The following ACVR1 variants were observed in gnomAD, a reference collection of about 807,000 sequenced individuals.
ACVR1 encodes the protein activin receptor type-1.
In ACVR1, 38 loss-of-function variants were observed where a neutral mutation model predicts 57.1. The observed-to-expected ratio is 0.67, with a 90% CI of 0.51 to 0.87. ACVR1 has a LOEUF of 0.87. Among genes scored for constraint, ACVR1 ranks in the 40% least tolerant of loss-of-function variants. The pLI is 0.00. For synonymous variants in ACVR1, 212 were observed against 228.1 expected (o/e 0.93, Z 0.63); for missense variants, 463 against 638.2 (o/e 0.73, Z 2.96).
rs552810969 is a variant in ACVR1, at chr2:157,745,840, T to C, written c.1265-7270A>G. 6.6e-5 allele frequency among the ~76,000 whole-genome samples: 10 copies of C among 152,312 alleles called. No homozygotes were observed. The South Asian group carries it at 1.9e-3, about 28-fold the overall frequency. ...TCATGGTTTCCATACACAAGCCCCA[T>C]TGCACTTAGGAGCAGAAGCACAAGC... On this transcript the variant is annotated intron_variant, in intron 9 of 10. Coordinates refer to ENST00000434821, the MANE Select transcript of ACVR1 (RefSeq NM_001111067.4).
intron 1 of ACVR1, among the ~76,000 whole-genome samples, chr2:157,851,896 CA>C (rs1559094017): frequency 0.38 from 7,823 of 20,334 alleles, 733 homozygotes; most frequent in Non-Finnish European, 0.47. Flanking sequence ...CACACACACA[CA>C]CACACACACA....
intron 2 of ACVR1, among the ~76,000 whole-genome samples, chr2:157,817,214 T>C (rs1235843763): frequency 6.6e-6 from 1 of 152,120 alleles, no homozygotes; most frequent in African/African-American, 2.4e-5. Context: ...CTTCCTACTT[T>C]GGCCTCCCAA....
chr2:157,852,638 T>C (rs1339583009), intron 1 of ACVR1, among the ~76,000 whole-genome samples: 1 of 151,566 alleles, frequency 6.6e-6, no homozygotes, highest in Non-Finnish European at 1.5e-5. Context: ...CTATGAAAAA[T>C]ATTATTTTAA....
chr2:157,756,675 C>T (rs1417718675), intron 9 of ACVR1, among the ~76,000 whole-genome samples: 3 of 151,740 alleles, frequency 2.0e-5, no homozygotes, highest in East Asian at 1.9e-4. Context: ...GGCGTGGATG[C>T]GGCACAAAGG....
intron 3 of ACVR1, among the ~76,000 whole-genome samples, chr2:157,795,388 ACACACAC>A (rs1687070701): frequency 7.9e-6 from 1 of 126,880 alleles, no homozygotes. Flanking sequence ...ACACACACAC[ACACACAC>A]ACACACACAC....
At chr2:157,843,453 T>C (rs1256364805) in intron 1 of ACVR1, among the ~76,000 whole-genome samples, 1 of 151,504 alleles carries the variant, frequency 6.6e-6, no homozygotes, top group East Asian at 1.9e-4. Flanking sequence ...TTACCACACT[T>C]AATCCTCCCA....
chr2:157,875,559 G>GC (rs1407191801), intron 1 of ACVR1: 30 of 121,320 alleles, frequency 2.5e-4, no homozygotes, highest in African/African-American at 6.7e-4. Flanking sequence ...CCACGCCTCT[G>GC]CCCCCCCACC....
intron 9 of ACVR1, among the ~76,000 whole-genome samples, chr2:157,746,954 C>A (rs973579528): frequency 1.3e-5 from 2 of 152,008 alleles, no homozygotes; most frequent in Non-Finnish European, 2.9e-5. Flanking sequence ...TTATTAGTAG[C>A]AAATAAATGT....
intron 2 of ACVR1, among the ~76,000 whole-genome samples, chr2:157,810,885 A>AC (rs1687728677): frequency 3.3e-5 from 5 of 152,028 alleles, no homozygotes; most frequent in Non-Finnish European, 7.4e-5. Context: ...CCAGTGAAAT[A>AC]CCCCTTGTTA....
chr2:157,803,963 G>A (rs1271403110), intron 2 of ACVR1, among the ~76,000 whole-genome samples: 2 of 151,618 alleles, frequency 1.3e-5, no homozygotes, highest in Admixed American at 6.6e-5. Context: ...CATGTTATGA[G>A]AAAAGTGGCA....
intron 1 of ACVR1, among the ~76,000 whole-genome samples, chr2:157,855,533 T>C (rs1300574718): frequency 6.6e-6 from 1 of 151,848 alleles, no homozygotes; most frequent in African/African-American, 2.4e-5. Context: ...GAAAACTCTG[T>C]CCCATTTGAA....
At chr2:157,873,873 T>C (rs991899279) in intron 1 of ACVR1, among the ~76,000 whole-genome samples, 2 of 152,232 alleles carry the variant, frequency 1.3e-5, no homozygotes, top group Admixed American at 6.5e-5. Flanking sequence ...GTTCCTCACT[T>C]CTGAAATTAA....
chr2:157,751,315 C>T (rs1350407366), intron 9 of ACVR1, among the ~76,000 whole-genome samples: 1 of 152,196 alleles, frequency 6.6e-6, no homozygotes, highest in Non-Finnish European at 1.5e-5. Context: ...CTCTCTTGGT[C>T]CCTGGGGAAG....
chr2:157,837,978 A>G (rs954015811), intron 1 of ACVR1, among the ~76,000 whole-genome samples: 1 of 152,134 alleles, frequency 6.6e-6, no homozygotes, highest in African/African-American at 2.4e-5. Context: ...GCATTGTTTT[A>G]TTGGCTACTT....
At chr2:157,854,767 C>T (rs1157443598) in intron 1 of ACVR1, among the ~76,000 whole-genome samples, 1 of 150,762 alleles carries the variant, frequency 6.6e-6, no homozygotes, top group East Asian at 2.0e-4. Context: ...CGGGTGCGAC[C>T]GATGGCTCAC....
intron 1 of ACVR1, among the ~76,000 whole-genome samples, chr2:157,855,323 TACACAC>T (rs138199528): frequency 0.017 from 1,846 of 108,248 alleles, 23 homozygotes; most frequent in South Asian, 0.027. Context: ...TATATATATA[TACACAC>T]ACACACACAC....
chr2:157,830,151 G>A (rs539045212), intron 1 of ACVR1, among the ~76,000 whole-genome samples: 8 of 152,170 alleles, frequency 5.3e-5, no homozygotes, highest in African/African-American at 9.6e-5. Flanking sequence ...CCCAGGAGGC[G>A]GAGGTTTCAG....
chr2:157,780,854 G>T (rs952165819), intron 3 of ACVR1, among the ~76,000 whole-genome samples: 1 of 152,072 alleles, frequency 6.6e-6, no homozygotes, highest in African/African-American at 2.4e-5. Flanking sequence ...ACAAAGACTG[G>T]CTATCATCTG....
At chr2:157,837,711 C>A (rs1436012349) in intron 1 of ACVR1, among the ~76,000 whole-genome samples, 1 of 151,986 alleles carries the variant, frequency 6.6e-6, no homozygotes, top group African/African-American at 2.4e-5. Context: ...CTGTGAGTAA[C>A]CATTAAGTTT....
Sources: gnomAD v4.1 joint callset for allele counts (sites outside exome capture counted in the v4.1 genomes callset) on GRCh38, gnomAD v4.1.1 for gene constraint, MANE v1.5 for transcripts, NCBI Gene and HGNC (gene_info 2026-07-23, HGNC 2026-07-21) for gene names.